Variants in CBLN2 observed in about 807,000 individuals in gnomAD.
The protein encoded by CBLN2 is cerebellin 2 precursor, also known as cerebellin-2.
Under a neutral mutation model 15.0 loss-of-function variants are expected in CBLN2, and 7 were observed. The observed-to-expected ratio is 0.47, with a 90% CI of 0.27 to 0.88. CBLN2 has a LOEUF of 0.88. CBLN2 is among the 40% of genes least tolerant of loss of function. The probability of loss-of-function intolerance (pLI) is 0.14; values close to 1 mark genes in which losing one functional copy is unlikely to be tolerated. For synonymous variants in CBLN2, 149 were observed against 135.2 expected, an observed-to-expected ratio of 1.10 and a Z score of -0.71; for missense variants, 242 against 304.5, an observed-to-expected ratio of 0.79 and a Z score of 1.53.
chr18:72,552,113 T>G (rs2069195180), intron 1 of CBLN2, among the ~76,000 whole-genome samples: 1 of 151,796 alleles, frequency 6.6e-6, no homozygotes, highest in Non-Finnish European at 1.5e-5. Flanking sequence ...TTTTTTTTTT[T>G]GAGACAGACT....
At chr18:72,593,784 T>C (rs1019391362) in intron 1 of CBLN2, among the ~76,000 whole-genome samples, 11 of 152,174 alleles carry the variant, frequency 7.2e-5, no homozygotes, top group Admixed American at 7.2e-4. Flanking sequence ...TGTCCTTCAT[T>C]CTGTTGAGAT....
chr18:72,594,866 T>C (rs1315519164), intron 1 of CBLN2, among the ~76,000 whole-genome samples: 1 of 152,140 alleles, frequency 6.6e-6, no homozygotes, highest in Non-Finnish European at 1.5e-5. Flanking sequence ...GTGGTATCAG[T>C]TGTAATGTCT....
chr18:72,620,419 A>G, intron 1 of CBLN2: 1 of 152,234 alleles, frequency 6.6e-6, no homozygotes, highest in East Asian at 1.9e-4. Context: ...TGGGATGGGC[A>G]GGTAATCTTC....
intron 1 of CBLN2, among the ~76,000 whole-genome samples, chr18:72,586,249 GTTT>G (rs2069442487): frequency 6.6e-6 from 1 of 152,154 alleles, no homozygotes; most frequent in African/African-American, 2.4e-5. Flanking sequence ...AATTATTATT[GTTT>G]CCTCTCTCCC....
chr18:72,568,104 G>T (rs966826156), intron 1 of CBLN2, among the ~76,000 whole-genome samples: 1 of 151,866 alleles, frequency 6.6e-6, no homozygotes, highest in African/African-American at 2.4e-5. Flanking sequence ...GTCAAATGCC[G>T]CTATATCCAT....
chr18:72,538,770 T>C lies in CBLN2; in HGVS notation c.360A>G (p.Val120=), dbSNP rs546144607. ...NRTMTIYFDQ[V]LVNIGNHFDL... is the part of the protein sequence containing the mutation. ...CAAAGTGGTTGCCAATATTTACTAATACCTGAAAAAGAAGAGGGAACACAG... is the reference window on the plus strand; with the variant it reads ...CAAAGTGGTTGCCAATATTTACTAACACCTGAAAAAGAAGAGGGAACACAG... The change falls in exon 4 of 5, where the codon GTA becomes GTG. Residue 120 remains valine, a splice_region_variant and synonymous_variant. Transcript: ENST00000269503. 7 of 1,613,364 alleles carry C rather than the reference T, an allele frequency of 4.3e-6. No homozygotes were observed. In the African/African-American group the frequency reaches 9.3e-5, roughly 22 times the overall value.
At chr18:72,590,753 C>G (rs954507664) in intron 1 of CBLN2, among the ~76,000 whole-genome samples, 1 of 152,136 alleles carries the variant, frequency 6.6e-6, no homozygotes, top group Non-Finnish European at 1.5e-5. Flanking sequence ...ACCATTGATT[C>G]CTTCAGGTGA....
intron 1 of CBLN2, among the ~76,000 whole-genome samples, chr18:72,567,994 T>A (rs12953566): frequency 6.6e-6 from 1 of 152,218 alleles, no homozygotes; most frequent in South Asian, 2.1e-4. Flanking sequence ...TTCTTTTTTG[T>A]TGTTGTTGTT....
At chr18:72,571,679 A>G (rs1388009276) in intron 1 of CBLN2, among the ~76,000 whole-genome samples, 1 of 152,234 alleles carries the variant, frequency 6.6e-6, no homozygotes, top group African/African-American at 2.4e-5. Flanking sequence ...GAATAACAGC[A>G]AACTAAACCT....
rs1057361386 is a variant in CBLN2, at chr18:72,542,292, C to T, written c.-132G>A. 4.3e-6 allele frequency: 2 copies of T among 464,462 alleles called. No individual in the cohort carries two copies. The highest frequency in any genetic ancestry group is 5.1e-5 in the Admixed American group (1 of 19,760). 28.8% of individuals were successfully genotyped at this position (464,462 alleles called of 1,614,324 possible). A position where few individuals can be genotyped will look rare whatever the true frequency, so the allele number is the denominator to read the frequency against. On this transcript the variant is annotated 5_prime_UTR_variant, in exon 3 of 5. Transcript: ENST00000269503. ...TCGTCCCCGGCTCTGACGTTCAAGG[C>T]CAGGGTCGTTCTCAGAAGAAAGGCG...
At chr18:72,593,053 G>A (rs1305274005) in intron 1 of CBLN2, among the ~76,000 whole-genome samples, 3 of 152,190 alleles carry the variant, frequency 2.0e-5, no homozygotes, top group South Asian at 2.1e-4. Context: ...GGCATGAATT[G>A]CATTGAATCT....
intron 1 of CBLN2, among the ~76,000 whole-genome samples, chr18:72,634,557 G>A (rs775544547): frequency 3.0e-4 from 46 of 152,072 alleles, no homozygotes; most frequent in Non-Finnish European, 6.2e-4. Flanking sequence ...CAAAGGATGT[G>A]ATGGACGTGC....
At chr18:72,634,866 A>G (rs1245117991) in intron 1 of CBLN2, among the ~76,000 whole-genome samples, 1 of 152,048 alleles carries the variant, frequency 6.6e-6, no homozygotes, top group African/African-American at 2.4e-5. Flanking sequence ...GCTTTTGGAG[A>G]TTTGGAAAAT....
At chr18:72,625,178 C>T (rs1289431169) in intron 1 of CBLN2, 2 of 152,062 alleles carry the variant, frequency 1.3e-5, no homozygotes, top group Non-Finnish European at 2.9e-5. Context: ...TGGAAAATAA[C>T]AGCCAGGAGT....
At chr18:72,573,027 T>G (rs150904794) in intron 1 of CBLN2, among the ~76,000 whole-genome samples, 1 of 152,310 alleles carries the variant, frequency 6.6e-6, no homozygotes, top group African/African-American at 2.4e-5. Context: ...GAATTTTCTA[T>G]TTGTTTTGTG....
intron 1 of CBLN2, among the ~76,000 whole-genome samples, chr18:72,599,315 A>T (rs912778482): frequency 6.6e-6 from 1 of 152,220 alleles, no homozygotes; most frequent in Admixed American, 6.5e-5. Flanking sequence ...ACAGTATTAG[A>T]TAAGAATGGA....
At chr18:72,574,505 C>T (rs1210059565) in intron 1 of CBLN2, among the ~76,000 whole-genome samples, 2 of 152,028 alleles carry the variant, frequency 1.3e-5, no homozygotes, top group Non-Finnish European at 2.9e-5. Flanking sequence ...ATATCAAAAG[C>T]AGGGGGTTGC....
chr18:72,599,843 C>T (rs1337138319), intron 1 of CBLN2, among the ~76,000 whole-genome samples: 3 of 152,164 alleles, frequency 2.0e-5, no homozygotes, highest in Non-Finnish European at 4.4e-5. Flanking sequence ...TAAGAGAGCC[C>T]GTGAAACAGT....
intron 1 of CBLN2, among the ~76,000 whole-genome samples, chr18:72,607,320 C>T (rs2069589685): frequency 6.6e-6 from 1 of 152,144 alleles, no homozygotes; most frequent in Non-Finnish European, 1.5e-5. Flanking sequence ...GCACACAAAT[C>T]CCTTGAGGAC....
Sources: gnomAD v4.1 joint callset for allele counts (sites outside exome capture counted in the v4.1 genomes callset) on GRCh38, gnomAD v4.1.1 for gene constraint, MANE v1.5 for transcripts, NCBI Gene and HGNC (gene_info 2026-07-23, HGNC 2026-07-21) for gene names.